The following MTHFD1 variants were observed in gnomAD, a reference collection of about 807,000 sequenced individuals.
MTHFD1 encodes the protein methylenetetrahydrofolate dehydrogenase, cyclohydrolase and formyltetrahydrofolate synthetase 1.
In MTHFD1, 44 loss-of-function variants were observed where a neutral mutation model predicts 110.3. The observed-to-expected ratio is 0.40, with a 90% CI of 0.31 to 0.51. The LOEUF is 0.51. MTHFD1 is among the 20% of genes least tolerant of loss of function. The probability of loss-of-function intolerance (pLI) is 0.60; values close to 1 mark genes in which losing one functional copy is unlikely to be tolerated. For missense variants in MTHFD1, 909 were observed against 1,173.1 expected (o/e 0.77, Z 3.29); for synonymous variants, 402 against 428.8 (o/e 0.94, Z 0.77).
intron 22 of MTHFD1, among the ~76,000 whole-genome samples, chr14:64,446,241 T>A (rs780256535): frequency 6.6e-6 from 1 of 152,226 alleles, no homozygotes; most frequent in African/African-American, 2.4e-5. Flanking sequence ...TTTCATGAAT[T>A]ATATACATGT....
At chr14:64,395,240 TCTC>T (rs372991239) in intron 1 of MTHFD1, among the ~76,000 whole-genome samples, 48 of 152,388 alleles carry the variant, frequency 3.1e-4, no homozygotes, top group African/African-American at 1.1e-3. Flanking sequence ...TTAGATTACT[TCTC>T]AACACATTTA....
intron 1 of MTHFD1, among the ~76,000 whole-genome samples, chr14:64,394,295 G>A (rs912351080): frequency 2.0e-5 from 3 of 152,098 alleles, no homozygotes; most frequent in African/African-American, 7.2e-5. Flanking sequence ...GAGGCTCGAT[G>A]GTGCATTTCT....
At chr14:64,458,440 G>T in intron 27 of MTHFD1, 133 bp downstream of exon 27, 1 of 732,088 alleles carries the variant, frequency 1.4e-6, no homozygotes. Context: ...CTTCCCTGAG[G>T]GGAGAGGGGA....
chr14:64,416,527 G>T (rs188549565), intron 6 of MTHFD1, among the ~76,000 whole-genome samples: 3 of 151,998 alleles, frequency 2.0e-5, no homozygotes, highest in Non-Finnish European at 4.4e-5. Context: ...ATATTGTCCC[G>T]TTACTAGTTA....
At chr14:64,423,606 G>T (rs1394540057) in intron 8 of MTHFD1, among the ~76,000 whole-genome samples, 1 of 151,682 alleles carries the variant, frequency 6.6e-6, no homozygotes, top group Non-Finnish European at 1.5e-5. Flanking sequence ...ATGCTGGCCA[G>T]GCTGGTCTCG....
At chr14:64,447,454 CTTT>C (rs34013579) in intron 22 of MTHFD1, among the ~76,000 whole-genome samples, 3 of 127,034 alleles carry the variant, frequency 2.4e-5, no homozygotes, top group Admixed American at 7.9e-5. Flanking sequence ...AGGTCCGGCC[CTTT>C]TTTTTTTTTT....
At chr14:64,440,318 A>G (rs766786104) in intron 18 of MTHFD1, 52 bp downstream of exon 18, 1 of 1,608,460 alleles carries the variant, frequency 6.2e-7, no homozygotes, top group Admixed American at 1.7e-5. Flanking sequence ...CTGTTGTCCT[A>G]GGGTCTTTCA....
chr14:64,437,744 C>T (rs2078217369), intron 16 of MTHFD1, among the ~76,000 whole-genome samples: 1 of 152,198 alleles, frequency 6.6e-6, no homozygotes, highest in South Asian at 2.1e-4. Flanking sequence ...AGAAGCATTT[C>T]ACTTGTGTTT....
At chr14:64,449,012 G>C (rs530131173) in intron 23 of MTHFD1, 1 of 299,814 alleles carries the variant, frequency 3.3e-6, no homozygotes, top group African/African-American at 2.2e-5. Context: ...TGTTAGCCAG[G>C]ATGGTCTCGA....
chr14:64,391,337 G>C (rs1228064011), intron 1 of MTHFD1, among the ~76,000 whole-genome samples: 3 of 151,978 alleles, frequency 2.0e-5, no homozygotes, highest in African/African-American at 7.3e-5. Context: ...GCTAATTTTT[G>C]AATTTTTAGT....
At chr14:64,402,424 C>T (rs11158539) in intron 2 of MTHFD1, among the ~76,000 whole-genome samples, 32,151 of 152,200 alleles carry the variant, frequency 0.21, 3,840 homozygotes, top group African/African-American at 0.33. Flanking sequence ...CAAAAACTCA[C>T]ATTTTATCAT....
intron 13 of MTHFD1, among the ~76,000 whole-genome samples, 159 bp downstream of exon 13, chr14:64,430,389 C>T (rs1456257058): frequency 6.6e-6 from 1 of 150,742 alleles, no homozygotes; most frequent in Admixed American, 6.6e-5. Context: ...ACCTCTGCCT[C>T]CCAGGTTCAA....
Position 64,442,071 on chromosome 14 carries a change from C to T in MTHFD1, c.1902C>T (p.Val634=), listed in dbSNP as rs775874381. The T allele has an allele frequency of 3.7e-6, 6 of 1,614,046 alleles. No homozygotes were observed. The highest frequency in any genetic ancestry group is 4.2e-6 in the Non-Finnish European group (5 of 1,179,878). The change falls in exon 20 of 28, where the codon GTC becomes GTT. Residue 634 remains valine (V), a synonymous_variant. Transcript: ENST00000652337. The stretch of plus-strand genomic sequence containing the variant: ...TTCCACAGGGCACTCCAGTGTTTGT[C>T]CATGCTGGCCCGTTTGCCAACATCG... ...MQTLEGTPVF[V]HAGPFANIAH... is the part of the protein sequence containing the mutation.
chr14:64,454,260 G>A lies in MTHFD1; in HGVS notation c.2565+399G>A, dbSNP rs146181981. Among the ~76,000 whole-genome samples, 795 of 152,146 alleles carry A rather than the reference G, an allele frequency of 5.2e-3. 3 individuals are homozygous for A. Among genetic ancestry groups the A allele is most frequent in the Non-Finnish European group, 7.8e-3 (529 of 68,006 alleles). ...CCTGAGTAGCTGCGCCTACAGGCAC[G>A]CACCACCACACCTGGCTAATTTTTG... On this transcript the variant is annotated intron_variant, in intron 25 of 27. Transcript: ENST00000652337.
chr14:64,395,695 T>G lies in MTHFD1; in HGVS notation c.42-5098T>G, dbSNP rs1296407408. Among the ~76,000 whole-genome samples the G allele has an allele frequency of 8.2e-4, 125 of 152,150 alleles. 2 individuals are homozygous for G. Among genetic ancestry groups the G allele is most frequent in the Non-Finnish European group, 4.4e-5 (3 of 68,030 alleles). Reference sequence around the variant, plus strand: ...ATGCCTGGAGTCTTTTGGGTTGTCATATGGGGAAGGGGTATGCTATTGGCA... The same window carrying G: ...ATGCCTGGAGTCTTTTGGGTTGTCAGATGGGGAAGGGGTATGCTATTGGCA... On this transcript the variant is annotated intron_variant, in intron 1 of 27. Coordinates refer to ENST00000652337, the MANE Select transcript of MTHFD1 (RefSeq NM_005956.4).
chr14:64,407,696 C>T (rs971092266), intron 2 of MTHFD1, among the ~76,000 whole-genome samples: 1 of 151,866 alleles, frequency 6.6e-6, no homozygotes, highest in Non-Finnish European at 1.5e-5. Context: ...ACTACAGGCA[C>T]ACCACCATGC....
chr14:64,397,190 TAAAA>T (rs1170738947), intron 1 of MTHFD1, among the ~76,000 whole-genome samples: 2 of 5,204 alleles, frequency 3.8e-4, no homozygotes, highest in Non-Finnish European at 3.3e-4. Context: ...TATATATATA[TAAAA>T]AACAGTAATC....
intron 13 of MTHFD1, 67 bp downstream of exon 13, chr14:64,430,297 T>TC: frequency 7.1e-7 from 1 of 1,409,944 alleles, no homozygotes; most frequent in Non-Finnish European, 1.0e-6. Context: ...GGTGCTGAAT[T>TC]AGCTCCCTTT....
intron 15 of MTHFD1, among the ~76,000 whole-genome samples, chr14:64,433,254 G>A (rs1037390003): frequency 6.6e-6 from 1 of 151,568 alleles, no homozygotes; most frequent in Non-Finnish European, 1.5e-5. Context: ...GAATAGCTGG[G>A]GTTACAGGTG....
Sources: gnomAD v4.1 joint callset for allele counts (sites outside exome capture counted in the v4.1 genomes callset) on GRCh38, gnomAD v4.1.1 for gene constraint, MANE v1.5 for transcripts, NCBI Gene and HGNC (gene_info 2026-07-23, HGNC 2026-07-21) for gene names.